FOLH1: variants seen among roughly 807,000 people sequenced by gnomAD.
FOLH1 encodes folate hydrolase 1.
In FOLH1, 54 loss-of-function variants were observed where a neutral mutation model predicts 93.9. That is an observed-to-expected ratio of 0.57 (90% CI 0.46 to 0.72). The LOEUF is 0.72. FOLH1 is among the 30% of genes least tolerant of loss of function. The pLI, the probability that FOLH1 is intolerant of heterozygous loss-of-function variation, is 0.00. For missense variants in FOLH1, 571 were observed against 892.5 expected (o/e 0.64, Z 4.59); for synonymous variants, 249 against 303.6 (o/e 0.82, Z 1.87).
intron 14 of FOLH1, 100 bp downstream of exon 14, chr11:49,157,852 T>A: frequency 8.5e-7 from 1 of 1,180,050 alleles, no homozygotes; most frequent in Non-Finnish European, 1.2e-6. Flanking sequence ...TTAGACCATT[T>A]TGAAACTTAA....
At chr11:49,201,742 T>C (rs146412293) in intron 2 of FOLH1, among the ~76,000 whole-genome samples, 222 of 152,052 alleles carry the variant, frequency 1.5e-3, no homozygotes, top group South Asian at 3.5e-3. Flanking sequence ...TTCTTGAATA[T>C]TACAAAGATC....
At chr11:49,184,181 T>C (rs1438609915) in intron 6 of FOLH1, among the ~76,000 whole-genome samples, 1 of 152,180 alleles carries the variant, frequency 6.6e-6, no homozygotes, top group African/African-American at 2.4e-5. Flanking sequence ...TGGGATTTGT[T>C]TTCAAATTCT....
chr11:49,195,019 C>A lies in FOLH1; in HGVS notation c.412-2125G>T, dbSNP rs369441812. On this transcript the variant is annotated intron_variant, in intron 3 of 18. Transcript: ENST00000256999. The stretch of plus-strand genomic sequence containing the variant: ...AGGAAGCAGACAAAATGAGAGAGCA[C>A]ATTAAGGATAATGGAGATTTCAGCC... Among the ~76,000 whole-genome samples the A allele has an allele frequency of 6.2e-4, 94 of 152,110 alleles. 2 individuals carry two copies. The South Asian group carries it at 0.019, about 31-fold the overall frequency.
intron 13 of FOLH1, among the ~76,000 whole-genome samples, chr11:49,161,432 A>G (rs1386312808): frequency 6.6e-6 from 1 of 152,010 alleles, no homozygotes; most frequent in Non-Finnish European, 1.5e-5. Flanking sequence ...CTGTTTTGTC[A>G]GAAACTAGAA....
At chr11:49,163,238 G>T (rs1857926977) in intron 13 of FOLH1, among the ~76,000 whole-genome samples, 1 of 152,054 alleles carries the variant, frequency 6.6e-6, no homozygotes. Flanking sequence ...CCATCCCAGG[G>T]TGTCCTAAAA....
chr11:49,156,575 A>G, intron 15 of FOLH1, 142 bp downstream of exon 15: 2 of 977,030 alleles, frequency 2.0e-6, no homozygotes, highest in South Asian at 3.1e-5. Flanking sequence ...CGTAGTAGTG[A>G]TACTGTCAAC....
chr11:49,154,613 A>G (rs1856817196), intron 15 of FOLH1, 121 bp from the exon 16 acceptor site: 10 of 1,478,714 alleles, frequency 6.8e-6, no homozygotes, highest in African/African-American at 1.4e-5. Context: ...GTACTTAAGC[A>G]TCTCAATAAG....
intron 13 of FOLH1, among the ~76,000 whole-genome samples, chr11:49,160,944 T>A (rs1354824584): frequency 6.6e-6 from 1 of 152,204 alleles, no homozygotes; most frequent in African/African-American, 2.4e-5. Context: ...ATTGCATAGT[T>A]TTGAGTGAAT....
At chr11:49,147,840 T>C (rs1045705797) in intron 18 of FOLH1, among the ~76,000 whole-genome samples, 6 of 152,120 alleles carry the variant, frequency 3.9e-5, no homozygotes, top group Admixed American at 3.3e-4. Flanking sequence ...TGCAGGAAGA[T>C]TGGTTGAGCC....
At chr11:49,186,800 T>A (rs768761870) in intron 4 of FOLH1, 31 bp from the exon 5 acceptor site, 17 of 1,556,392 alleles carry the variant, frequency 1.1e-5, no homozygotes, top group Non-Finnish European at 1.5e-5. Flanking sequence ...TTAATATGAG[T>A]CAGATATAAA....
chr11:49,152,701 T>C (rs1481052788), intron 17 of FOLH1, among the ~76,000 whole-genome samples: 1 of 152,164 alleles, frequency 6.6e-6, no homozygotes, highest in African/African-American at 2.4e-5. Flanking sequence ...CCATTTTTGC[T>C]AGAAAATAAG....
chr11:49,207,787 A>C (rs1864136274), intron 1 of FOLH1: 2 of 423,762 alleles, frequency 4.7e-6, no homozygotes, highest in Admixed American at 3.1e-5. Flanking sequence ...CTTTTCTTAG[A>C]AAGTTGGATC....
chr11:49,150,721 TATA>T (rs1382371850), intron 17 of FOLH1, among the ~76,000 whole-genome samples: 3 of 152,184 alleles, frequency 2.0e-5, no homozygotes, highest in Non-Finnish European at 4.4e-5. Context: ...GGGTTGTTAT[TATA>T]ATAAGAATGA....
intron 1 of FOLH1, chr11:49,207,868 C>T (rs1864144121): frequency 6.5e-6 from 3 of 459,600 alleles, no homozygotes. Context: ...GATTGCTGAC[C>T]TGGTTCACAC....
At chr11:49,205,275 T>C (rs1360183189) in intron 2 of FOLH1, among the ~76,000 whole-genome samples, 1 of 152,214 alleles carries the variant, frequency 6.6e-6, no homozygotes, top group Non-Finnish European at 1.5e-5. Flanking sequence ...AGTAATTCTA[T>C]ATAAGTATTT....
intron 7 of FOLH1, among the ~76,000 whole-genome samples, chr11:49,180,635 G>A (rs7124497): frequency 0.034 from 5,121 of 152,194 alleles, 123 homozygotes; most frequent in Non-Finnish European, 0.051. Flanking sequence ...CCACTTGAGA[G>A]AACCTCAGAA....
chr11:49,149,299 T>C (rs1189607253), intron 17 of FOLH1, among the ~76,000 whole-genome samples: 10 of 152,162 alleles, frequency 6.6e-5, no homozygotes, highest in African/African-American at 2.2e-4. Context: ...ATTTTCAGAA[T>C]GGTTTAAGTA....
intron 11 of FOLH1, among the ~76,000 whole-genome samples, chr11:49,169,607 C>G (rs1858960442): frequency 6.6e-6 from 1 of 152,156 alleles, no homozygotes. Context: ...CAGTGAAAAT[C>G]TTCCTATAAA....
chr11:49,165,190 T>C (rs1858233953), intron 12 of FOLH1, among the ~76,000 whole-genome samples: 1 of 152,206 alleles, frequency 6.6e-6, no homozygotes, highest in Non-Finnish European at 1.5e-5. Flanking sequence ...CTCTCTCTTT[T>C]AACCTTGGCT....
Sources: gnomAD v4.1 joint callset for allele counts (sites outside exome capture counted in the v4.1 genomes callset) on GRCh38, gnomAD v4.1.1 for gene constraint, MANE v1.5 for transcripts, NCBI Gene and HGNC (gene_info 2026-07-23, HGNC 2026-07-21) for gene names.